Variants in SNX25 observed in about 807,000 individuals in gnomAD.
SNX25 encodes the protein sorting nexin 25, also known as sorting nexin-25.
A neutral mutation model predicts 113.7 loss-of-function variants in SNX25; 62 were observed. That is an observed-to-expected ratio of 0.55 (90% CI 0.44 to 0.67). SNX25 has a LOEUF of 0.67. Ranked by LOEUF, SNX25 falls within the 30% of genes least tolerant of loss-of-function variation. SNX25 has a pLI of 0.00. For synonymous variants in SNX25, 421 were observed against 436.2 expected (o/e 0.97, Z 0.43); for missense variants, 1,014 against 1,161.0 (o/e 0.87, Z 1.84).
chr4:185,264,298 G>T (rs762771078), intron 3 of SNX25, 140 bp from the exon 4 acceptor site: 3 of 803,540 alleles, frequency 3.7e-6, no homozygotes, highest in Non-Finnish European at 5.7e-6. Flanking sequence ...ATGAGTTGAT[G>T]GTTGAGGAAA....
intron 17 of SNX25, 104 bp downstream of exon 17, chr4:185,362,209 G>GAA: frequency 6.3e-6 from 8 of 1,261,294 alleles, no homozygotes; most frequent in South Asian, 4.1e-5. Flanking sequence ...TCTTTACAAT[G>GAA]AAAAAAAAAA....
intron 5 of SNX25, among the ~76,000 whole-genome samples, chr4:185,272,367 AG>A (rs1287594268): frequency 9.2e-5 from 14 of 152,228 alleles, no homozygotes; most frequent in African/African-American, 3.4e-4. Context: ...GTGGGGTCAA[AG>A]CAAACATTAC....
intron 1 of SNX25, among the ~76,000 whole-genome samples, chr4:185,214,158 C>G (rs1004701717): frequency 6.6e-6 from 1 of 151,970 alleles, no homozygotes; most frequent in Admixed American, 6.6e-5. Context: ...TTCATCTACC[C>G]GCTAACATGC....
chr4:185,249,620 A>G (rs1186160399), intron 2 of SNX25, among the ~76,000 whole-genome samples: 1 of 151,780 alleles, frequency 6.6e-6, no homozygotes, highest in Non-Finnish European at 1.5e-5. Flanking sequence ...CAATTTACCA[A>G]TCTTTTTTTC....
At position 185,234,567 on chromosome 4, in the gene SNX25, A is replaced by G. The variant is rs1305394849; in HGVS notation, c.430-12727A>G. 2.8e-5 allele frequency among the ~76,000 whole-genome samples: 2 copies of G among 70,298 alleles called. 1 individual carries two copies. Among genetic ancestry groups the G allele is most frequent in the East Asian group, 1.1e-3 (2 of 1,756 alleles). The allele number at this position is 70,298 out of a possible 152,430, so 46.1% of individuals were successfully genotyped here. A position where few individuals can be genotyped will look rare whatever the true frequency, so the allele number is the denominator to read the frequency against. On this transcript the variant is annotated intron_variant, in intron 1 of 18. Coordinates refer to ENST00000652585, the MANE Select transcript of SNX25 (RefSeq NM_001378034.2). Reference sequence around the variant, plus strand: ...CGTGGTGGCGGGCGCCTGTAGTCCCAGCTACTCGGGAGGCTGAGGCAGGAG... The same window carrying G: ...CGTGGTGGCGGGCGCCTGTAGTCCCGGCTACTCGGGAGGCTGAGGCAGGAG...
upstream of SNX25, among the ~76,000 whole-genome samples, chr4:185,205,058 C>G (rs1161454089): frequency 6.6e-6 from 1 of 152,204 alleles, no homozygotes; most frequent in South Asian, 2.1e-4. Flanking sequence ...CTGCCTGTCC[C>G]GGGGAGTTCC....
chr4:185,211,051 C>T (rs757571693), intron 1 of SNX25, among the ~76,000 whole-genome samples: 18 of 152,198 alleles, frequency 1.2e-4, no homozygotes, highest in Non-Finnish European at 2.6e-4. Context: ...CACTGCTTGA[C>T]TGAGTGATAC....
At chr4:185,245,782 T>G (rs1744782087) in intron 1 of SNX25, among the ~76,000 whole-genome samples, 4 of 152,210 alleles carry the variant, frequency 2.6e-5, no homozygotes, top group Admixed American at 2.6e-4. Context: ...CATAGAAAAC[T>G]TTCCATGAAG....
At position 185,338,530 on chromosome 4, in the gene SNX25, C is replaced by A. The variant is rs551280764; in HGVS notation, c.1915-849C>A. ...CTCCAACTCCTGACCTCAGGTGATC[C>A]ACCTGCCTTAGCCTCCCAAAGTGCT... On this transcript the variant is annotated intron_variant, in intron 10 of 18. Transcript: ENST00000652585. Among the ~76,000 whole-genome samples, 46 of 152,234 alleles carry A rather than the reference C, an allele frequency of 3.0e-4. No homozygotes were observed. In the South Asian group the frequency reaches 5.6e-3, roughly 19 times the overall value.
At chr4:185,287,535 G>A (rs1429046614) in intron 5 of SNX25, among the ~76,000 whole-genome samples, 1 of 152,176 alleles carries the variant, frequency 6.6e-6, no homozygotes, top group Admixed American at 6.5e-5. Context: ...GGCACCGCCC[G>A]GTGTGGTCCA....
At chr4:185,370,624 T>G, downstream of SNX25, 1 of 1,607,184 alleles carries the variant, frequency 6.2e-7, no homozygotes, top group African/African-American at 1.3e-5. Context: ...AATTTATATT[T>G]TGTTCTAAAG....
chr4:185,355,338 G>T (rs528387786), intron 15 of SNX25, among the ~76,000 whole-genome samples: 1 of 152,338 alleles, frequency 6.6e-6, no homozygotes, highest in South Asian at 2.1e-4. Flanking sequence ...GAGAGCTTCT[G>T]AGCCAAAGCT....
downstream of SNX25, chr4:185,372,958 A>C (rs2095420839): frequency 6.2e-7 from 1 of 1,613,986 alleles, no homozygotes; most frequent in Non-Finnish European, 8.5e-7. Flanking sequence ...TGCTTCTCTT[A>C]AGCACTGCAG....
chr4:185,368,082 C>G (rs113841837), downstream of SNX25, among the ~76,000 whole-genome samples: 7,430 of 152,020 alleles, frequency 0.049, 235 homozygotes, highest in South Asian at 0.089. Context: ...GGAGGCTGAG[C>G]CAGGAGAATG....
chr4:185,214,406 A>G (rs1361139287), intron 1 of SNX25, among the ~76,000 whole-genome samples: 1 of 151,212 alleles, frequency 6.6e-6, no homozygotes, highest in African/African-American at 2.4e-5. Flanking sequence ...AAAAAAAAAA[A>G]AAAAAAGAAA....
At position 185,341,959 on chromosome 4, in the gene SNX25, T is replaced by C. The variant is rs1284420940; in HGVS notation, c.2047-17T>C. 1.3e-5 allele frequency: 21 copies of C among 1,568,870 alleles called. No homozygotes were observed. The highest frequency in any genetic ancestry group is 1.7e-5 in the Non-Finnish European group (20 of 1,160,626). The stretch of plus-strand genomic sequence containing the variant: ...ACCATGCTTTTTGTAAGTATCGATT[T>C]TGATGTTTTCCCCAAGGTTACAGAA... On this transcript the variant is annotated splice_polypyrimidine_tract_variant and intron_variant, in intron 11 of 18. Transcript: ENST00000652585.
At position 185,300,840 on chromosome 4, in the gene SNX25, G is replaced by GACACACACACACACACACACACACACAC. The variant is rs58762122; in HGVS notation, c.1163-9787_1163-9760dup. Among the ~76,000 whole-genome samples the GACACACACACACACACACACACACACAC allele has an allele frequency of 7.2e-4, 101 of 140,764 alleles. 1 individual carries two copies. The highest frequency in any genetic ancestry group is 5.3e-3 in the Admixed American group (73 of 13,762). The allele number at this position is 140,764 out of a possible 152,430, so 92.3% of individuals were successfully genotyped here. A position where few individuals can be genotyped will look rare whatever the true frequency, so the allele number is the denominator to read the frequency against. On this transcript the variant is annotated intron_variant, in intron 6 of 18. Coordinates refer to ENST00000652585, the MANE Select transcript of SNX25 (RefSeq NM_001378034.2). ...ATGCCTGTGGTATTATGATTATTAT[G>GACACACACACACACACACACACACACAC]ACACACACACACACACACACACACA...
chr4:185,250,689 G>A (rs991884530), intron 2 of SNX25, among the ~76,000 whole-genome samples: 3 of 150,666 alleles, frequency 2.0e-5, no homozygotes, highest in African/African-American at 7.3e-5. Context: ...TTTCAATACA[G>A]ATGGTTCCTG....
At chr4:185,320,003 T>G (rs1211345332) in intron 7 of SNX25, among the ~76,000 whole-genome samples, 1 of 152,032 alleles carries the variant, frequency 6.6e-6, no homozygotes. Context: ...TGTGGAGAAA[T>G]AGGAACGCTT....
Sources: gnomAD v4.1 joint callset for allele counts (sites outside exome capture counted in the v4.1 genomes callset) on GRCh38, gnomAD v4.1.1 for gene constraint, MANE v1.5 for transcripts, NCBI Gene and HGNC (gene_info 2026-07-23, HGNC 2026-07-21) for gene names.